The following CEP164 variants were observed in gnomAD, a reference collection of about 807,000 sequenced individuals.
CEP164 encodes centrosomal protein 164, also known as centrosomal protein of 164 kDa.
CEP164 carries 162 observed loss-of-function variants against 182.7 expected under a neutral mutation model. That is an observed-to-expected ratio of 0.89 (90% CI 0.78 to 1.01). CEP164 has a LOEUF of 1.01. Ranked by LOEUF, CEP164 falls within the 50% of genes least tolerant of loss-of-function variation. The pLI is 0.00. For synonymous variants in CEP164, 661 were observed against 690.0 expected, an observed-to-expected ratio of 0.96 and a Z score of 0.66; for missense variants, 1,735 against 1,790.4, an observed-to-expected ratio of 0.97 and a Z score of 0.56.
chr11:117,336,587 G>T, intron 2 of CEP164: 1 of 1,488,122 alleles, frequency 6.7e-7, no homozygotes, highest in Admixed American at 1.7e-5. Flanking sequence ...CCAGTGTTGG[G>T]GGATATGGAT....
intron 5 of CEP164, chr11:117,356,037 C>A: frequency 9.2e-7 from 1 of 1,092,294 alleles, no homozygotes; most frequent in Admixed American, 3.8e-5. Flanking sequence ...AACCTGGCCT[C>A]ACACCTGGGC....
chr11:117,363,512 A>G lies in CEP164; in HGVS notation c.765+6A>G, dbSNP rs2041252535. ...GGGGTGACTTTGAGTATGAGGTAAG[A>G]GCCCTAATCCCTACAGGCACATGTG... On this transcript the variant is annotated splice_donor_region_variant and intron_variant, in intron 8 of 32. Transcript: ENST00000278935. 5 of 1,606,460 alleles carry G rather than the reference A, an allele frequency of 3.1e-6. No individual in the cohort carries two copies. The highest frequency in any genetic ancestry group is 3.4e-6 in the Non-Finnish European group (4 of 1,173,144).
Position 117,411,752 on chromosome 11 carries a change from C to T in CEP164, c.4164-43C>T, listed in dbSNP as rs202042914. On this transcript the variant is annotated intron_variant, in intron 31 of 32. Transcript: ENST00000278935. This position sits in a 1 kb window ranked among gnomAD's most constrained non-coding sequence, Gnocchi z 4.4. ...CTCTGTGCATCCTCTGTCACTTCCGCGCCTCCTCTCTCCCCTCGCCATGCT... is the reference window on the plus strand; with the variant it reads ...CTCTGTGCATCCTCTGTCACTTCCGTGCCTCCTCTCTCCCCTCGCCATGCT... 695 of 1,611,704 alleles carry T rather than the reference C, an allele frequency of 4.3e-4. 3 individuals are homozygous for T. Among genetic ancestry groups the T allele is most frequent in the African/African-American group, 2.0e-3 (151 of 74,988 alleles).
chr11:117,406,257 CATG>C (rs969822144), intron 27 of CEP164, among the ~76,000 whole-genome samples: 3 of 152,178 alleles, frequency 2.0e-5, no homozygotes, highest in African/African-American at 7.2e-5. Context: ...GCACTTCTCA[CATG>C]GTGGTGGCAA....
chr11:117,361,563 A>G (rs2040978201), intron 5 of CEP164, among the ~76,000 whole-genome samples: 1 of 151,688 alleles, frequency 6.6e-6, no homozygotes, highest in Non-Finnish European at 1.5e-5. Context: ...CTGAAAGGAG[A>G]GCAGAACCCC....
chr11:117,366,620 G>A lies in CEP164; in HGVS notation c.765+3114G>A, dbSNP rs147121071. On this transcript the variant is annotated intron_variant, in intron 8 of 32. Transcript: ENST00000278935. Reference sequence around the variant, plus strand: ...GGGAGCCTGGGCTTAGAAATAACAGGATGATGTCAGTGCGATTGGAAAGTG... The same window carrying A: ...GGGAGCCTGGGCTTAGAAATAACAGAATGATGTCAGTGCGATTGGAAAGTG... Among the ~76,000 whole-genome samples, 362 of 152,328 alleles carry A rather than the reference G, an allele frequency of 2.4e-3. 14 individuals are homozygous for A. The South Asian group carries it at 0.048, about 20-fold the overall frequency.
chr11:117,356,639 G>A (rs980291920), intron 5 of CEP164: 1 of 1,264,934 alleles, frequency 7.9e-7, no homozygotes, highest in Non-Finnish European at 1.0e-6. Context: ...AGTGAGCATG[G>A]CCTAAAGGCC....
At chr11:117,410,457 A>G (rs186571998) in intron 30 of CEP164, 118 of 268,910 alleles carry the variant, frequency 4.4e-4, no homozygotes, top group Middle Eastern at 2.7e-3. Flanking sequence ...GTGAGTGAGT[A>G]ACAAACTCAG....
Position 117,344,072 on chromosome 11 carries a change from A to G in CEP164, c.83-94A>G. 5 of 671,052 alleles carry G rather than the reference A, an allele frequency of 7.5e-6. No homozygotes were observed. The South Asian group carries it at 9.4e-5, about 13-fold the overall frequency. 41.6% of individuals were successfully genotyped at this position (671,052 alleles called of 1,614,324 possible). On this transcript the variant is annotated intron_variant, in intron 3 of 32. Transcript: ENST00000278935. The stretch of plus-strand genomic sequence containing the variant: ...ATAATTTAAAGAATACGATTTTCTC[A>G]TTGATGGAGAGAAAAGACAAAGTAG...
chr11:117,354,863 C>G (rs1193267307), intron 5 of CEP164: 72 of 1,182,780 alleles, frequency 6.1e-5, no homozygotes, highest in Non-Finnish European at 7.4e-5. Context: ...TTGCCCAGGG[C>G]TGAGGTAGCA....
chr11:117,392,149 G>T, intron 17 of CEP164, 77 bp from the exon 18 acceptor site: 2 of 1,340,174 alleles, frequency 1.5e-6, no homozygotes, highest in Admixed American at 4.7e-5. Flanking sequence ...TTGGGGGTCG[G>T]TAGTCTTCCT....
At chr11:117,336,589 G>T (rs777431237) in intron 2 of CEP164, 1 of 1,482,678 alleles carries the variant, frequency 6.7e-7, no homozygotes. Context: ...AGTGTTGGGG[G>T]ATATGGATTT....
At chr11:117,328,143 G>C (rs941146886) in intron 1 of CEP164, 3 of 152,326 alleles carry the variant, frequency 2.0e-5, no homozygotes, top group African/African-American at 4.8e-5. Flanking sequence ...CCAGGCGACA[G>C]TTCCTCCGTT....
chr11:117,373,355 C>T (rs1328020121), intron 9 of CEP164, among the ~76,000 whole-genome samples: 2 of 151,098 alleles, frequency 1.3e-5, no homozygotes, highest in East Asian at 3.9e-4. Context: ...GAGCGAGACT[C>T]CATCTCGGAA....
intron 6 of CEP164, 61 bp from the exon 7 acceptor site, chr11:117,362,343 C>T: frequency 6.4e-7 from 1 of 1,559,864 alleles, no homozygotes; most frequent in East Asian, 2.3e-5. Flanking sequence ...GAGGAGCATT[C>T]TAAAGGTCAT....
In CEP164 at chr11:117,359,539, G is replaced by T. The variant is rs181647597; in HGVS notation, c.394-2296G>T. Reference sequence around the variant, plus strand: ...CTGCTGGGAACCCACCCACCGGTCTGGCCCCTAGGCTGAGGCTACAGGTGA... The same window carrying T: ...CTGCTGGGAACCCACCCACCGGTCTTGCCCCTAGGCTGAGGCTACAGGTGA... On this transcript the variant is annotated intron_variant, in intron 5 of 32. Transcript: ENST00000278935. 2.6e-5 allele frequency: 26 copies of T among 985,414 alleles called. 1 individual carries two copies. The highest frequency in any genetic ancestry group is 2.3e-4 in the East Asian group (2 of 8,810). The allele number at this position is 985,414 out of a possible 1,614,324, so 61.0% of individuals were successfully genotyped here.
rs148850442 is a variant in CEP164, at chr11:117,340,566, A to G, written c.82+1898A>G. Among the ~76,000 whole-genome samples the G allele has an allele frequency of 3.3e-5, 5 of 152,018 alleles. No homozygotes were observed. The East Asian group carries it at 9.7e-4, about 29-fold the overall frequency. On this transcript the variant is annotated intron_variant, in intron 3 of 32. Transcript: ENST00000278935. ...TATTTTTGTTTTTAGAGACAGTCTT[A>G]CTCTGTCACCCAGGCTAGTATGCAG...
At chr11:117,383,571 T>A (rs1474847728) in intron 14 of CEP164, among the ~76,000 whole-genome samples, 1 of 152,256 alleles carries the variant, frequency 6.6e-6, no homozygotes, top group Non-Finnish European at 1.5e-5. Context: ...TGTGTTTTTC[T>A]GATTCACCTA....
rs963899811 is a variant in CEP164 at position 117,336,733 on chromosome 11, C to T, written c.-22+1053C>T. The T allele has an allele frequency of 1.0e-5, 7 of 667,228 alleles. 1 individual carries two copies. Among genetic ancestry groups the T allele is most frequent in the South Asian group, 8.6e-5 (5 of 57,816 alleles). The allele number at this position is 667,228 out of a possible 1,614,324, so 41.3% of individuals were successfully genotyped here. ...CTGGGCCTTTCTGCTTGAAGAGGGC[C>T]GTTTCATCCTTGCTGCTCCAGGAGG... On this transcript the variant is annotated intron_variant, in intron 2 of 32. Transcript: ENST00000278935.
Sources: gnomAD v4.1 joint callset for allele counts (sites outside exome capture counted in the v4.1 genomes callset) on GRCh38, gnomAD v4.1.1 for gene constraint, Gnocchi (gnomAD v3.1) non-coding constraint, MANE v1.5 for transcripts, NCBI Gene and HGNC (gene_info 2026-07-23, HGNC 2026-07-21) for gene names.